Variants in TAS1R1 observed in about 807,000 individuals in gnomAD.
The protein encoded by TAS1R1 is taste 1 receptor member 1, also known as taste receptor type 1 member 1.
In TAS1R1, 31 loss-of-function variants were observed where a neutral mutation model predicts 45.8. The observed-to-expected ratio is 0.68, with a 90% CI of 0.51 to 0.91. The LOEUF is 0.91. Among genes scored for constraint, TAS1R1 ranks in the 40% least tolerant of loss-of-function variants. The pLI, the probability that TAS1R1 is intolerant of heterozygous loss-of-function variation, is 0.00. For synonymous variants in TAS1R1, 437 were observed against 448.4 expected, an observed-to-expected ratio of 0.97 and a Z score of 0.32; for missense variants, 1,051 against 1,063.9, an observed-to-expected ratio of 0.99 and a Z score of 0.17.
At chr1:6,572,287 G>A (rs1354586765) in intron 2 of TAS1R1, among the ~76,000 whole-genome samples, 1 of 75,590 alleles carries the variant, frequency 1.3e-5, no homozygotes. Context: ...TTTTTTTTTT[G>A]AGACACAGTC....
Position 6,575,057 on chromosome 1 carries a change from A to G in TAS1R1, c.925A>G (p.Ile309Val). Reference sequence around the variant, plus strand: ...AGAAGCCTGGGCCCTCTCCAGGCACATCACTGGGGTGCCCGGGATCCAGCG... The same window carrying G: ...AGAAGCCTGGGCCCTCTCCAGGCACGTCACTGGGGTGCCCGGGATCCAGCG... ...ASEAWALSRH[I>V]TGVPGIQRIG... Residue 309 changes from isoleucine (I) to valine (V), a missense_variant, in exon 3 of 6, where the codon ATC (isoleucine) becomes GTC (valine). Coordinates refer to ENST00000333172, the MANE Select transcript of TAS1R1 (RefSeq NM_138697.4). 6.3e-7 allele frequency: 1 copy of G among 1,587,354 alleles called. No homozygotes were observed. Among genetic ancestry groups the G allele is most frequent in the African/African-American group, 1.3e-5 (1 of 74,476 alleles).
intron 1 of TAS1R1, among the ~76,000 whole-genome samples, chr1:6,568,470 A>T (rs1444141899): frequency 6.6e-6 from 1 of 151,728 alleles, no homozygotes; most frequent in Non-Finnish European, 1.5e-5. Context: ...AGAAAAAAAA[A>T]AAAAAAGAAC....
rs1491188861 is a variant in TAS1R1, at chr1:6,556,383, ATT to A, written c.191+821_191+822del. ...AGAGGGAAACTACTGCTTTTCTTTT[ATT>A]TCTATCTATCTATCTATCTATCTAT... is the stretch of plus-strand genomic sequence containing the variant. On this transcript the variant is annotated intron_variant, in intron 1 of 5. Coordinates refer to ENST00000333172, the MANE Select transcript of TAS1R1 (RefSeq NM_138697.4). Among the ~76,000 whole-genome samples the A allele has an allele frequency of 1.1e-3, 48 of 42,354 alleles. 1 individual carries two copies. The highest frequency in any genetic ancestry group is 3.4e-3 in the African/African-American group (40 of 11,902). 27.8% of individuals were successfully genotyped at this position (42,354 alleles called of 152,430 possible).
At chr1:6,575,506 T>G (rs1640144597) in intron 3 of TAS1R1, 114 bp downstream of exon 3, 1 of 1,238,000 alleles carries the variant, frequency 8.1e-7, no homozygotes, top group Non-Finnish European at 1.1e-6. Flanking sequence ...GCCACTAACT[T>G]GAGGTTTTTT....
Position 6,579,401 on chromosome 1 carries a change from C to T in TAS1R1, c.2343C>T (p.Ser781=), listed in dbSNP as rs1480693338. The T allele has an allele frequency of 3.1e-6, 5 of 1,613,856 alleles. No homozygotes were observed. The South Asian group carries it at 4.4e-5, about 14-fold the overall frequency. The change falls in exon 6 of 6, where the codon AGC becomes AGT. Residue 781 remains serine, a synonymous_variant. Transcript: ENST00000333172. The stretch of plus-strand genomic sequence containing the variant: ...GGATCGCCTTCTTCACCACGGCCAG[C>T]GTCTACGACGGCAAGTACCTGCCTG... ...VSWIAFFTTA[S]VYDGKYLPAA...
chr1:6,568,567 C>T (rs1296910491), intron 1 of TAS1R1, among the ~76,000 whole-genome samples: 1 of 151,486 alleles, frequency 6.6e-6, no homozygotes, highest in African/African-American at 2.4e-5. Flanking sequence ...GCAGGATTTT[C>T]GTCTGCCTTT....
intron 1 of TAS1R1, among the ~76,000 whole-genome samples, chr1:6,563,136 T>C (rs1404854064): frequency 1.3e-5 from 2 of 152,190 alleles, no homozygotes; most frequent in Non-Finnish European, 2.9e-5. Flanking sequence ...ATCTTGATTG[T>C]TTAGTAAAGA....
chr1:6,571,094 AC>A lies in TAS1R1; in HGVS notation c.378del (p.His126GlnfsTer2). On this transcript the variant is annotated frameshift_variant, in exon 2 of 6. Coordinates refer to ENST00000333172, the MANE Select transcript of TAS1R1 (RefSeq NM_138697.4). LOFTEE classifies it high-confidence loss of function. Reference sequence around the variant, plus strand: ...GTGCTCTCCCTGCCAGGGCAACACCACATAGAGCTCCAAGGAGACCTTCTCC... The same window carrying A: ...GTGCTCTCCCTGCCAGGGCAACACCAATAGAGCTCCAAGGAGACCTTCTCC... ...LRVLSLPGQH[H>X]IELQGDLLHY... 6.2e-7 allele frequency: 1 copy of A among 1,614,152 alleles called. No individual in the cohort carries two copies. Among genetic ancestry groups the A allele is most frequent in the Non-Finnish European group, 8.5e-7 (1 of 1,180,002 alleles).
intron 1 of TAS1R1, among the ~76,000 whole-genome samples, chr1:6,558,040 TTG>T (rs1491029734): frequency 6.7e-6 from 1 of 148,282 alleles, no homozygotes; most frequent in East Asian, 2.0e-4. Flanking sequence ...TGGTTAGTTT[TTG>T]TTTTTGTTTT....
rs1358933131 is a variant in TAS1R1 at position 6,574,112 on chromosome 1, A to C, written c.499-519A>C. On this transcript the variant is annotated intron_variant, in intron 2 of 5. Transcript: ENST00000333172. This position sits in a 1 kb window ranked among gnomAD's most constrained non-coding sequence, Gnocchi z 4.3. ...CATCAGACATTAGATTCTCATAAGT[A>C]GCGTGCAACCCAGATCCCTCGCATG... 6.6e-6 allele frequency among the ~76,000 whole-genome samples: 1 copy of C among 152,282 alleles called. No homozygotes were observed. Among genetic ancestry groups the C allele is most frequent in the East Asian group, 1.9e-4 (1 of 5,182 alleles).
At chr1:6,577,165 G>A in intron 5 of TAS1R1, 95 bp downstream of exon 5, 1 of 1,544,496 alleles carries the variant, frequency 6.5e-7, no homozygotes, top group Non-Finnish European at 8.8e-7. Context: ...CCCTGCCCCA[G>A]AACCAAGGCC....
At position 6,576,484 on chromosome 1, in the gene TAS1R1, G is replaced by T; in HGVS notation, c.1330G>T (p.Asp444Tyr). The T allele has an allele frequency of 6.2e-7, 1 of 1,614,252 alleles. No homozygotes were observed. ...KDTVAFNDNR[D>Y]PLSSYNIIAW... ...CACTGTGGCGTTTAATGACAACAGA[G>T]ATCCCCTCAGTAGCTATAACATAAT... Residue 444 changes from aspartate to tyrosine, a missense_variant, in exon 4 of 6, where the codon GAT becomes TAT. Transcript: ENST00000333172.
chr1:6,565,532 G>A (rs1490783116), intron 1 of TAS1R1, among the ~76,000 whole-genome samples: 1 of 152,150 alleles, frequency 6.6e-6, no homozygotes, highest in South Asian at 2.1e-4. Context: ...CTATTCCATG[G>A]TTCTCAGCTG....
At chr1:6,576,693 C>T (rs1478896618) in intron 4 of TAS1R1, 66 bp downstream of exon 4, 11 of 1,574,118 alleles carry the variant, frequency 7.0e-6, no homozygotes, top group Non-Finnish European at 9.5e-6. Flanking sequence ...GGGGGTGATG[C>T]TGACACAGTG....
At position 6,574,784 on chromosome 1, in the gene TAS1R1, G is replaced by C. The variant is rs369705796; in HGVS notation, c.652G>C (p.Asp218His). The change falls in exon 3 of 6, where the codon GAC becomes CAC. Residue 218 changes from aspartate (D) to histidine (H), a missense_variant. Asp to His is a moderately conservative substitution (Grantham distance 81). Transcript: ENST00000333172. The surrounding 1 kb of genome is among the most constrained non-coding windows in gnomAD (Gnocchi z 4.3). ...CTGGATCTCTCTGGTTGGCAGCAGT[G>C]ACGACTATGGGCAGCTAGGGGTGCA... is the stretch of plus-strand genomic sequence containing the variant. ...WTWISLVGSS[D>H]DYGQLGVQAL... The C allele has an allele frequency of 7.4e-6, 12 of 1,614,282 alleles. No individual in the cohort carries two copies. The highest frequency in any genetic ancestry group is 1.0e-5 in the Non-Finnish European group (12 of 1,180,054).
chr1:6,569,582 A>G (rs1376825772), intron 1 of TAS1R1, among the ~76,000 whole-genome samples: 1 of 152,182 alleles, frequency 6.6e-6, no homozygotes, highest in Non-Finnish European at 1.5e-5. Context: ...GGGTGGTCTT[A>G]GGAAGCGTAG....
At chr1:6,568,243 A>T (rs754717583) in intron 1 of TAS1R1, among the ~76,000 whole-genome samples, 1 of 151,978 alleles carries the variant, frequency 6.6e-6, no homozygotes, top group Non-Finnish European at 1.5e-5. Context: ...AGGTCAGGAT[A>T]TTGAGACCAT....
At chr1:6,558,441 C>T (rs1043517799) in intron 1 of TAS1R1, among the ~76,000 whole-genome samples, 3 of 151,944 alleles carry the variant, frequency 2.0e-5, no homozygotes, top group East Asian at 3.9e-4. Flanking sequence ...TTATTTTGGC[C>T]GAACGTGGTG....
intron 1 of TAS1R1, among the ~76,000 whole-genome samples, chr1:6,564,585 A>G (rs1304170914): frequency 6.6e-6 from 1 of 152,092 alleles, no homozygotes; most frequent in African/African-American, 2.4e-5. Flanking sequence ...TGCCCTTTCA[A>G]CTTTTCCTGA....
Sources: allele counts gnomAD v4.1 joint callset (sites outside exome capture counted in the v4.1 genomes callset), GRCh38; gene constraint gnomAD v4.1.1; non-coding constraint Gnocchi (gnomAD v3.1); transcripts MANE v1.5; gene names NCBI Gene and HGNC (gene_info 2026-07-23, HGNC 2026-07-21).